Variants in SLC41A3 observed in about 807,000 individuals in gnomAD.
SLC41A3 encodes SLC41A1-like 2.
SLC41A3 carries 44 observed loss-of-function variants against 45.4 expected under a neutral mutation model. The ratio of observed to expected loss-of-function variants is 0.97; its 90% CI spans 0.76 to 1.25. SLC41A3 has a LOEUF of 1.25. SLC41A3 is among the 50% of genes most tolerant of loss of function. SLC41A3 has a pLI of 0.00. For synonymous variants in SLC41A3, 256 were observed against 252.4 expected (o/e 1.01, Z -0.13); for missense variants, 550 against 600.6 (o/e 0.92, Z 0.88).
At chr3:126,011,720 TTGAAA>T (rs1473143540) in intron 9 of SLC41A3, among the ~76,000 whole-genome samples, 15 of 152,130 alleles carry the variant, frequency 9.9e-5, no homozygotes, top group South Asian at 2.1e-4. Flanking sequence ...GCAAAATAAA[TTGAAA>T]TGGCAGATTT....
At position 126,037,503 on chromosome 3, in the gene SLC41A3, G is replaced by C. The variant is rs775672680; in HGVS notation, c.382-3825C>G. Among the ~76,000 whole-genome samples the C allele has an allele frequency of 5.7e-4, 87 of 152,164 alleles. 1 individual carries two copies. Among genetic ancestry groups the C allele is most frequent in the Admixed American group, 1.0e-3 (16 of 15,274 alleles). On this transcript the variant is annotated intron_variant, in intron 3 of 10. Transcript: ENST00000360370. ...GTCACCCTTGTTACACCTTAGCATG[G>C]AACTTGGCTGCACTGTGCCCAGGCT...
At chr3:126,061,795 C>G (rs893920850) in intron 2 of SLC41A3, among the ~76,000 whole-genome samples, 1 of 152,128 alleles carries the variant, frequency 6.6e-6, no homozygotes, top group Non-Finnish European at 1.5e-5. Flanking sequence ...GCTAACAAGC[C>G]CACACAGCCA....
At chr3:126,072,331 G>C (rs1223282887) in intron 1 of SLC41A3, among the ~76,000 whole-genome samples, 1 of 142,052 alleles carries the variant, frequency 7.0e-6, no homozygotes, top group Non-Finnish European at 1.5e-5. Context: ...AATTAATATA[G>C]ATTAGACTGG....
chr3:126,044,253 CA>C (rs1942793862), intron 3 of SLC41A3, among the ~76,000 whole-genome samples: 1 of 152,160 alleles, frequency 6.6e-6, no homozygotes, highest in Non-Finnish European at 1.5e-5. Flanking sequence ...AAAGATAGAA[CA>C]ATTACAAATA....
At chr3:126,067,091 C>CCGGGCG (rs1944383043) in intron 2 of SLC41A3, among the ~76,000 whole-genome samples, 1 of 109,322 alleles carries the variant, frequency 9.1e-6, no homozygotes, top group Non-Finnish European at 1.9e-5. Context: ...GTGGGTTGGA[C>CCGGGCG]CGCCCCCCCG....
intron 1 of SLC41A3, among the ~76,000 whole-genome samples, chr3:126,072,656 A>AT (rs1409185167): frequency 8.5e-5 from 13 of 152,248 alleles, no homozygotes; most frequent in African/African-American, 2.9e-4. Context: ...GGGAATGCTT[A>AT]TACACTGCTT....
intron 3 of SLC41A3, among the ~76,000 whole-genome samples, chr3:126,036,329 C>A (rs776543280): frequency 2.0e-5 from 3 of 152,196 alleles, no homozygotes; most frequent in Non-Finnish European, 2.9e-5. Flanking sequence ...CCCCCCTTGC[C>A]CTTTCACTTC....
At chr3:126,040,532 G>T (rs959535333) in intron 3 of SLC41A3, among the ~76,000 whole-genome samples, 2 of 152,210 alleles carry the variant, frequency 1.3e-5, no homozygotes, top group African/African-American at 4.8e-5. Flanking sequence ...ATTTGCTGCA[G>T]ATACCTCTGC....
chr3:126,065,696 G>A (rs1944314703), intron 2 of SLC41A3, among the ~76,000 whole-genome samples: 1 of 152,136 alleles, frequency 6.6e-6, no homozygotes, highest in Admixed American at 6.5e-5. Flanking sequence ...GAAGAAAGAT[G>A]ACTGAGACTG....
At chr3:126,060,536 A>G (rs1334668264) in intron 2 of SLC41A3, among the ~76,000 whole-genome samples, 1 of 152,162 alleles carries the variant, frequency 6.6e-6, no homozygotes, top group Non-Finnish European at 1.5e-5. Context: ...TGGTGGGTTC[A>G]TAAGTAATCT....
chr3:126,056,397 C>G, intron 2 of SLC41A3: 1 of 1,614,184 alleles, frequency 6.2e-7, no homozygotes. Context: ...TCATCATGCA[C>G]AAGCCGGACA....
At chr3:126,083,310 CCA>C (rs1018998067) in intron 1 of SLC41A3, among the ~76,000 whole-genome samples, 2 of 151,944 alleles carry the variant, frequency 1.3e-5, no homozygotes, top group African/African-American at 4.8e-5. Context: ...GGTCCTGGGA[CCA>C]CAGTTTGAAA....
In SLC41A3 at chr3:126,083,000, G is replaced by GA. The variant is rs149440589; in HGVS notation, c.-28+1092dup. ...TCCCCTTTCTAGGTCTGTGACCTTG[G>GA]AAAAATTAAACTTTCTGTACCTCTG... On this transcript the variant is annotated intron_variant, in intron 1 of 10. Transcript: ENST00000360370. Among the ~76,000 whole-genome samples, 978 of 152,352 alleles carry GA rather than the reference G, an allele frequency of 6.4e-3. 11 individuals carry two copies. The highest frequency in any genetic ancestry group is 0.022 in the African/African-American group (918 of 41,582).
chr3:126,073,281 A>G (rs928633489), intron 1 of SLC41A3: 7 of 152,212 alleles, frequency 4.6e-5, no homozygotes, highest in African/African-American at 1.7e-4. Context: ...TACAAAAAAT[A>G]CAAAAATTAG....
At chr3:126,024,862 T>G (rs754421035) in intron 5 of SLC41A3, 3 of 151,936 alleles carry the variant, frequency 2.0e-5, no homozygotes, top group Non-Finnish European at 4.4e-5. Flanking sequence ...CTGGTTTAAG[T>G]GATGACAATA....
chr3:126,046,660 T>C (rs1356507403), intron 3 of SLC41A3, among the ~76,000 whole-genome samples: 2 of 152,130 alleles, frequency 1.3e-5, no homozygotes, highest in African/African-American at 4.8e-5. Context: ...AGACTTAATA[T>C]TGTTAAGATA....
chr3:126,038,694 G>C (rs1942376133), intron 3 of SLC41A3, among the ~76,000 whole-genome samples: 1 of 152,232 alleles, frequency 6.6e-6, no homozygotes, highest in African/African-American at 2.4e-5. Flanking sequence ...TTGGACTTTT[G>C]ATTGAGTTGG....
Position 126,007,196 on chromosome 3 carries a change from C to T in SLC41A3, c.1284G>A (p.Val428=). Residue 428 remains valine, a synonymous_variant, in exon 11 of 11, where the codon GTG becomes GTA. Transcript: ENST00000360370. ...CCTGGTGCCAAGTCAGCCGAACCAT[C>T]ACTTCTGCGAGGTACAGCAGGATTG... The part of the protein sequence containing the change: ...QVTILLYLAE[V]MVRLTWHQAL... The T allele has an allele frequency of 1.2e-6, 2 of 1,614,068 alleles. No homozygotes were observed. Among genetic ancestry groups the T allele is most frequent in the South Asian group, 2.2e-5 (2 of 91,076 alleles).
At chr3:126,095,937 G>A (rs1246023106) in intron 1 of SLC41A3, among the ~76,000 whole-genome samples, 1 of 152,146 alleles carries the variant, frequency 6.6e-6, no homozygotes, top group Non-Finnish European at 1.5e-5. Flanking sequence ...CAGTATAGTG[G>A]CACCTCAACC....
Sources: gnomAD v4.1 joint callset for allele counts (sites outside exome capture counted in the v4.1 genomes callset) on GRCh38, gnomAD v4.1.1 for gene constraint, MANE v1.5 for transcripts, NCBI Gene and HGNC (gene_info 2026-07-23, HGNC 2026-07-21) for gene names.